MTRES1: variants seen among roughly 807,000 people sequenced by gnomAD.
The protein encoded by MTRES1 is uncharacterized protein C6orf203.
Under a neutral mutation model 17.4 loss-of-function variants are expected in MTRES1, and 11 were observed. That is an observed-to-expected ratio of 0.63 (90% CI 0.40 to 1.05). The LOEUF (loss-of-function observed/expected upper bound fraction) is 1.05, where lower values mean the gene tolerates loss of function less well. Ranked by LOEUF, MTRES1 falls within the 50% of genes least tolerant of loss-of-function variation. The probability of loss-of-function intolerance (pLI) is 0.00; values close to 1 mark genes in which losing one functional copy is unlikely to be tolerated. For synonymous variants in MTRES1, 94 were observed against 99.6 expected, an observed-to-expected ratio of 0.94 and a Z score of 0.34; for missense variants, 268 against 276.2, an observed-to-expected ratio of 0.97 and a Z score of 0.21.
chr6:107,044,095 T>C (rs1774310401), intron 2 of MTRES1, among the ~76,000 whole-genome samples, 165 bp from the exon 3 acceptor site: 1 of 152,304 alleles, frequency 6.6e-6, no homozygotes, highest in East Asian at 1.9e-4. Flanking sequence ...GCACTCCAGC[T>C]TGGGCAACAG....
In MTRES1 at chr6:107,044,342, T is replaced by G. The variant is rs781828500; in HGVS notation, c.543+10T>G. On this transcript the variant is annotated intron_variant, in intron 3 of 3. Transcript: ENST00000311381. ...GAAGAAAAGCAGAACGGTGAGATACTAACCTAAAATGACAGCCAGATGTTT... is the reference window on the plus strand; with the variant it reads ...GAAGAAAAGCAGAACGGTGAGATACGAACCTAAAATGACAGCCAGATGTTT... The G allele has an allele frequency of 1.2e-6, 2 of 1,605,248 alleles. No homozygotes were observed. The highest frequency in any genetic ancestry group is 1.3e-5 in the African/African-American group (1 of 74,730).
intron 1 of MTRES1, among the ~76,000 whole-genome samples, chr6:107,032,755 C>A (rs1773886284): frequency 6.6e-6 from 1 of 152,100 alleles, no homozygotes; most frequent in South Asian, 2.1e-4. Flanking sequence ...CTCATTCATC[C>A]TTGAATGAGA....
chr6:107,029,994 T>C, intron 1 of MTRES1: 1 of 684,204 alleles, frequency 1.5e-6, no homozygotes, highest in South Asian at 1.6e-5. Flanking sequence ...ACAGGGTGTT[T>C]TTTTTTTTGT....
At chr6:107,041,059 T>C (rs1464647826) in intron 2 of MTRES1, among the ~76,000 whole-genome samples, 1 of 149,908 alleles carries the variant, frequency 6.7e-6, no homozygotes, top group African/African-American at 2.5e-5. Flanking sequence ...ACTCCGTCTC[T>C]ACTAAAAATA....
At chr6:107,050,696 C>G (rs546303952) in intron 3 of MTRES1, among the ~76,000 whole-genome samples, 2 of 151,828 alleles carry the variant, frequency 1.3e-5, no homozygotes, top group Non-Finnish European at 2.9e-5. Context: ...CCTGCCACAG[C>G]CTTCCGAGTA....
intron 3 of MTRES1, among the ~76,000 whole-genome samples, chr6:107,046,930 T>TTTTG (rs1367322880): frequency 0.1 from 3,400 of 32,944 alleles, 147 homozygotes; most frequent in East Asian, 0.19. Context: ...GGATTCATTC[T>TTTTG]TGTGTGTGTG....
chr6:107,029,741 C>T (rs1331661336), intron 1 of MTRES1, among the ~76,000 whole-genome samples: 2 of 152,176 alleles, frequency 1.3e-5, no homozygotes, highest in East Asian at 1.9e-4. Flanking sequence ...GCCTCAGCCT[C>T]CCCAAGTACT....
chr6:107,036,039 TA>T (rs1311944993), intron 1 of MTRES1, among the ~76,000 whole-genome samples: 8 of 152,200 alleles, frequency 5.3e-5, no homozygotes, highest in East Asian at 3.9e-4. Context: ...TTATTGCATA[TA>T]GGGGGTATAC....
chr6:107,035,954 T>G (rs2114947141), intron 1 of MTRES1, among the ~76,000 whole-genome samples: 1 of 152,280 alleles, frequency 6.6e-6, no homozygotes, highest in South Asian at 2.1e-4. Flanking sequence ...CGTCCAGTTT[T>G]CTTCATATTT....
At chr6:107,049,725 T>C (rs1402412976) in intron 3 of MTRES1, among the ~76,000 whole-genome samples, 1 of 148,216 alleles carries the variant, frequency 6.7e-6, no homozygotes, top group African/African-American at 2.5e-5. Flanking sequence ...CCCTTCTTTT[T>C]TTTTTTTTTT....
Position 107,044,351 on chromosome 6 carries a change from A to G in MTRES1, c.543+19A>G, listed in dbSNP as rs1774321592. 3.1e-6 allele frequency: 5 copies of G among 1,598,008 alleles called. No individual in the cohort carries two copies. Among genetic ancestry groups the G allele is most frequent in the African/African-American group, 2.7e-5 (2 of 74,688 alleles). On this transcript the variant is annotated intron_variant, in intron 3 of 3. Coordinates refer to ENST00000311381, the MANE Select transcript of MTRES1 (RefSeq NM_016487.5). ...CAGAACGGTGAGATACTAACCTAAA[A>G]TGACAGCCAGATGTTTTCGTCTCTT...
intron 3 of MTRES1, among the ~76,000 whole-genome samples, chr6:107,048,663 C>T (rs913070825): frequency 1.3e-5 from 2 of 150,994 alleles, no homozygotes; most frequent in African/African-American, 4.9e-5. Flanking sequence ...CCCTGTAGTC[C>T]CAGCTACTTG....
chr6:107,040,265 C>G (rs868947702), intron 2 of MTRES1, 35 bp downstream of exon 2: 6 of 1,539,294 alleles, frequency 3.9e-6, no homozygotes, highest in Non-Finnish European at 5.2e-6. Context: ...TAAACTCGCT[C>G]GTAGTCATGT....
intron 1 of MTRES1, among the ~76,000 whole-genome samples, chr6:107,033,500 CAG>C (rs1554226652): frequency 6.6e-6 from 1 of 151,942 alleles, no homozygotes; most frequent in Non-Finnish European, 1.5e-5. Flanking sequence ...ACTTCCAACT[CAG>C]GGCTCCCCTG....
chr6:107,042,310 A>ACAAAGTG (rs1774245533), intron 2 of MTRES1, among the ~76,000 whole-genome samples: 1 of 128,730 alleles, frequency 7.8e-6, no homozygotes, highest in Admixed American at 9.7e-5. Context: ...ACTGCACTCC[A>ACAAAGTG]GCCTGGGCAA....
At chr6:107,044,416 CCTCTGG>C in intron 3 of MTRES1, 84 bp downstream of exon 3, 1 of 1,020,726 alleles carries the variant, frequency 9.8e-7, no homozygotes, top group Non-Finnish European at 1.5e-6. Context: ...CCAAATTTTC[CCTCTGG>C]CTCCTCTTCT....
intron 1 of MTRES1, among the ~76,000 whole-genome samples, chr6:107,031,007 A>C (rs1773817221): frequency 6.6e-6 from 1 of 152,186 alleles, no homozygotes; most frequent in Non-Finnish European, 1.5e-5. Context: ...AATTGGGTAC[A>C]TTTAAGAGCT....
At chr6:107,050,373 C>G (rs908224531) in intron 3 of MTRES1, among the ~76,000 whole-genome samples, 4 of 152,074 alleles carry the variant, frequency 2.6e-5, no homozygotes, top group Admixed American at 1.3e-4. Context: ...CTTTCTTTGT[C>G]TTTTGCCAGT....
intron 1 of MTRES1, chr6:107,030,228 T>C: frequency 1.4e-6 from 1 of 710,872 alleles, no homozygotes; most frequent in Non-Finnish European, 2.6e-6. Flanking sequence ...CTATAGAGCC[T>C]TTAGACCATC....
Sources: allele counts gnomAD v4.1 joint callset (sites outside exome capture counted in the v4.1 genomes callset), GRCh38; gene constraint gnomAD v4.1.1; transcripts MANE v1.5; gene names NCBI Gene and HGNC (gene_info 2026-07-23, HGNC 2026-07-21).